The following ZNF804B variants were observed in gnomAD, a reference collection of about 807,000 sequenced individuals.
The protein encoded by ZNF804B is zinc finger protein 804B, also known as zinc finger 804B.
In ZNF804B, 80 loss-of-function variants were observed where a neutral mutation model predicts 101.4. The observed-to-expected ratio is 0.79, with a 90% CI of 0.66 to 0.95. The LOEUF is 0.95. Among genes scored for constraint, ZNF804B ranks in the 40% least tolerant of loss-of-function variants. The probability of loss-of-function intolerance (pLI) is 0.00; values close to 1 mark genes in which losing one functional copy is unlikely to be tolerated. For missense variants in ZNF804B, 1,673 were observed against 1,561.9 expected, an observed-to-expected ratio of 1.07 and a Z score of -1.20; for synonymous variants, 622 against 558.8, an observed-to-expected ratio of 1.11 and a Z score of -1.59.
At chr7:88,764,320 G>A (rs1160966740) in intron 1 of ZNF804B, among the ~76,000 whole-genome samples, 1 of 152,072 alleles carries the variant, frequency 6.6e-6, no homozygotes, top group Non-Finnish European at 1.5e-5. Flanking sequence ...TTATTCCTGG[G>A]AGCACCATAG....
chr7:88,967,674 T>C (rs567409763), intron 1 of ZNF804B, among the ~76,000 whole-genome samples: 1 of 148,854 alleles, frequency 6.7e-6, no homozygotes, highest in East Asian at 2.0e-4. Flanking sequence ...ATTCTTATCT[T>C]TCAGGGTAGG....
At chr7:88,933,617 C>T (rs999641677) in intron 1 of ZNF804B, among the ~76,000 whole-genome samples, 5 of 151,956 alleles carry the variant, frequency 3.3e-5, no homozygotes, top group African/African-American at 1.2e-4. Flanking sequence ...GTACGTGAAT[C>T]AGTAGCACTG....
At chr7:89,049,251 G>A (rs2116262122) in intron 1 of ZNF804B, among the ~76,000 whole-genome samples, 1 of 152,256 alleles carries the variant, frequency 6.6e-6, no homozygotes, top group South Asian at 2.1e-4. Flanking sequence ...TGACTGATAA[G>A]AATGGAATCT....
chr7:88,760,559 A>T (rs1316630656), intron 1 of ZNF804B, among the ~76,000 whole-genome samples: 13 of 152,218 alleles, frequency 8.5e-5, no homozygotes, highest in Admixed American at 8.5e-4. Flanking sequence ...AGTTATAGGT[A>T]GTGAAAACTT....
chr7:89,322,293 A>G (rs573163262), intron 2 of ZNF804B, among the ~76,000 whole-genome samples: 7 of 152,184 alleles, frequency 4.6e-5, no homozygotes, highest in Non-Finnish European at 1.0e-4. Flanking sequence ...ATATTTGCCA[A>G]GATAGACCAT....
intron 1 of ZNF804B, among the ~76,000 whole-genome samples, chr7:89,145,866 T>TA (rs1790783526): frequency 4.0e-5 from 6 of 151,548 alleles, no homozygotes; most frequent in South Asian, 4.2e-4. Context: ...GATAAGGAAT[T>TA]TAAAAAAAAG....
rs553850032 is a variant in ZNF804B, at chr7:88,985,317, G to A, written c.108+225233G>A. ...AGGACATTCTAAAAACTAAAGTATAGAAAAGATATAATCTCAGAATAAAAA... is the reference window on the plus strand; with the variant it reads ...AGGACATTCTAAAAACTAAAGTATAAAAAAGATATAATCTCAGAATAAAAA... On this transcript the variant is annotated intron_variant, in intron 1 of 3. Transcript: ENST00000333190. 5.2e-4 allele frequency among the ~76,000 whole-genome samples: 78 copies of A among 150,674 alleles called. 2 individuals are homozygous for A. In the South Asian group the frequency reaches 0.016, roughly 31 times the overall value.
At chr7:89,187,295 T>C (rs1391726764) in intron 1 of ZNF804B, among the ~76,000 whole-genome samples, 1 of 152,190 alleles carries the variant, frequency 6.6e-6, no homozygotes, top group African/African-American at 2.4e-5. Flanking sequence ...GAATATATTT[T>C]CTTTTGTACA....
chr7:88,813,928 T>C (rs1467821801), intron 1 of ZNF804B, among the ~76,000 whole-genome samples: 1 of 152,182 alleles, frequency 6.6e-6, no homozygotes, highest in East Asian at 1.9e-4. Flanking sequence ...GAATTTGCAC[T>C]CACTAGGTTT....
chr7:89,180,335 T>C (rs9640583), intron 1 of ZNF804B, among the ~76,000 whole-genome samples: 17,471 of 152,082 alleles, frequency 0.11, 1,279 homozygotes, highest in Middle Eastern at 0.22. Context: ...GGTGCTTTAG[T>C]TTGCTGCAGC....
intron 1 of ZNF804B, among the ~76,000 whole-genome samples, chr7:89,045,272 C>T (rs919367630): frequency 2.6e-5 from 4 of 152,204 alleles, no homozygotes; most frequent in African/African-American, 9.7e-5. Context: ...GATGTCCAGG[C>T]AGAAGTCTGC....
intron 1 of ZNF804B, among the ~76,000 whole-genome samples, chr7:89,211,512 T>C (rs1788803589): frequency 6.6e-6 from 1 of 152,206 alleles, no homozygotes; most frequent in Admixed American, 6.5e-5. Context: ...TATATATAAG[T>C]CCTTAATCCA....
At chr7:89,225,873 A>G (rs528493321) in intron 2 of ZNF804B, among the ~76,000 whole-genome samples, 43 of 152,278 alleles carry the variant, frequency 2.8e-4, no homozygotes, top group African/African-American at 1.0e-3. Flanking sequence ...TTAGAAAAAT[A>G]ATCCTAAAAG....
At chr7:89,054,990 T>C (rs1789268524) in intron 1 of ZNF804B, among the ~76,000 whole-genome samples, 1 of 152,084 alleles carries the variant, frequency 6.6e-6, no homozygotes. Flanking sequence ...AAAACTAAAA[T>C]AAAGCAAACA....
At chr7:88,898,143 A>G (rs1164557945) in intron 1 of ZNF804B, among the ~76,000 whole-genome samples, 4 of 121,594 alleles carry the variant, frequency 3.3e-5, no homozygotes, top group Admixed American at 1.1e-4. Flanking sequence ...CTCTAGTGCA[A>G]TGGCGGGATC....
At chr7:89,245,913 G>A (rs150452283) in intron 2 of ZNF804B, among the ~76,000 whole-genome samples, 1 of 152,170 alleles carries the variant, frequency 6.6e-6, no homozygotes, top group Admixed American at 6.5e-5. Flanking sequence ...CCAGGGAGAG[G>A]GAGAGCCCTT....
intron 1 of ZNF804B, among the ~76,000 whole-genome samples, chr7:88,853,683 A>G (rs1300002340): frequency 6.6e-6 from 1 of 152,108 alleles, no homozygotes; most frequent in Non-Finnish European, 1.5e-5. Flanking sequence ...ATAAATGTGT[A>G]TATATATTTT....
chr7:88,855,142 T>C (rs372496851), intron 1 of ZNF804B, among the ~76,000 whole-genome samples: 2,444 of 152,168 alleles, frequency 0.016, 23 homozygotes, highest in African/African-American at 0.04. Flanking sequence ...CTGGGTCAAA[T>C]GGTATTTCTA....
At chr7:89,130,895 C>A (rs118072752) in intron 1 of ZNF804B, among the ~76,000 whole-genome samples, 359 of 152,040 alleles carry the variant, frequency 2.4e-3, no homozygotes, top group Non-Finnish European at 3.3e-3. Flanking sequence ...GCAGTCTTAT[C>A]CCAATCTTCC....
Sources: allele counts gnomAD v4.1 joint callset (sites outside exome capture counted in the v4.1 genomes callset), GRCh38; gene constraint gnomAD v4.1.1; transcripts MANE v1.5; gene names NCBI Gene and HGNC (gene_info 2026-07-23, HGNC 2026-07-21).